The following CNTNAP2 variants were observed in gnomAD, a reference collection of about 807,000 sequenced individuals.
CNTNAP2 encodes contactin-associated protein-like 2.
Under a neutral mutation model 155.2 loss-of-function variants are expected in CNTNAP2, and 98 were observed. The observed-to-expected ratio is 0.63, with a 90% CI of 0.54 to 0.75. The LOEUF is 0.75. Ranked by LOEUF, CNTNAP2 falls within the 30% of genes least tolerant of loss-of-function variation. CNTNAP2 has a pLI of 0.00. For missense variants in CNTNAP2, 1,727 were observed against 1,688.1 expected, an observed-to-expected ratio of 1.02 and a Z score of -0.40; for synonymous variants, 651 against 631.2, an observed-to-expected ratio of 1.03 and a Z score of -0.47.
chr7:147,931,314 G>T (rs1382875164), intron 14 of CNTNAP2, among the ~76,000 whole-genome samples: 1 of 150,660 alleles, frequency 6.6e-6, no homozygotes, highest in Non-Finnish European at 1.5e-5. Context: ...ATAAAAAATG[G>T]AAAAGGAGAC....
intron 4 of CNTNAP2, among the ~76,000 whole-genome samples, chr7:147,080,655 A>G (rs968664582): frequency 1.4e-5 from 2 of 143,664 alleles, no homozygotes; most frequent in African/African-American, 5.4e-5. Flanking sequence ...TAACATATAT[A>G]ACATGTATAT....
At chr7:147,878,627 G>A (rs931805353) in intron 13 of CNTNAP2, among the ~76,000 whole-genome samples, 17 of 152,088 alleles carry the variant, frequency 1.1e-4, no homozygotes, top group East Asian at 3.9e-4. Flanking sequence ...TACTTGGCCC[G>A]TTATTGTTAC....
At chr7:148,138,968 A>G (rs547753377) in intron 16 of CNTNAP2, among the ~76,000 whole-genome samples, 1 of 152,330 alleles carries the variant, frequency 6.6e-6, no homozygotes, top group South Asian at 2.1e-4. Flanking sequence ...TTTGCATTTT[A>G]AAGACAGCTT....
intron 1 of CNTNAP2, among the ~76,000 whole-genome samples, chr7:146,767,311 A>T (rs2129184840): frequency 6.6e-6 from 1 of 152,326 alleles, no homozygotes; most frequent in South Asian, 2.1e-4. Context: ...AATACATAAA[A>T]TGAGGCTATA....
intron 8 of CNTNAP2, among the ~76,000 whole-genome samples, chr7:147,139,445 C>T (rs988959029): frequency 6.6e-6 from 1 of 152,006 alleles, no homozygotes; most frequent in Non-Finnish European, 1.5e-5. Flanking sequence ...GGATGATGTA[C>T]CTTCATAATC....
chr7:147,394,585 A>G (rs1048359187), intron 9 of CNTNAP2, among the ~76,000 whole-genome samples: 1 of 151,986 alleles, frequency 6.6e-6, no homozygotes, highest in Admixed American at 6.6e-5. Context: ...AGCTCTGGGG[A>G]CTTTCTGGAG....
chr7:146,856,409 T>G (rs1045476546), intron 3 of CNTNAP2, among the ~76,000 whole-genome samples: 2 of 152,076 alleles, frequency 1.3e-5, no homozygotes, highest in Non-Finnish European at 2.9e-5. Context: ...GAATACGAAC[T>G]TCTGACTAGG....
At chr7:147,014,586 T>G (rs1584783968) in intron 3 of CNTNAP2, among the ~76,000 whole-genome samples, 1 of 152,296 alleles carries the variant, frequency 6.6e-6, no homozygotes, top group Non-Finnish European at 1.5e-5. Flanking sequence ...ATATTTTCTC[T>G]TTGGTTTAAC....
At chr7:147,927,256 T>C (rs2116792253) in intron 14 of CNTNAP2, among the ~76,000 whole-genome samples, 1 of 152,328 alleles carries the variant, frequency 6.6e-6, no homozygotes, top group Middle Eastern at 3.4e-3. Flanking sequence ...CAGCCACACC[T>C]CTGCCTTATC....
At chr7:146,344,564 C>T (rs1285132596) in intron 1 of CNTNAP2, among the ~76,000 whole-genome samples, 4 of 84,578 alleles carry the variant, frequency 4.7e-5, no homozygotes, top group Admixed American at 3.5e-4. Flanking sequence ...ACTTCAACCT[C>T]TGCCCCCAAG....
At chr7:147,275,565 C>A (rs779442989) in intron 8 of CNTNAP2, among the ~76,000 whole-genome samples, 1 of 151,872 alleles carries the variant, frequency 6.6e-6, no homozygotes, top group Non-Finnish European at 1.5e-5. Context: ...TTTACCAAGG[C>A]TAGGGATCTT....
intron 13 of CNTNAP2, among the ~76,000 whole-genome samples, chr7:147,823,285 T>C (rs1798390428): frequency 6.6e-6 from 1 of 152,182 alleles, no homozygotes; most frequent in Non-Finnish European, 1.5e-5. Flanking sequence ...TAAAAGCTAT[T>C]AGTGCCAATG....
chr7:146,734,186 G>T (rs978789211), intron 1 of CNTNAP2, among the ~76,000 whole-genome samples: 10 of 152,048 alleles, frequency 6.6e-5, no homozygotes, highest in African/African-American at 2.2e-4. Context: ...AAATTCATAG[G>T]CTGGCAGCAG....
intron 9 of CNTNAP2, among the ~76,000 whole-genome samples, chr7:147,313,662 G>A (rs1795167687): frequency 6.6e-6 from 1 of 152,070 alleles, no homozygotes; most frequent in African/African-American, 2.4e-5. Context: ...TTTGGTTACT[G>A]TAGCCTTGTA....
chr7:147,245,391 C>A (rs2116646881), intron 8 of CNTNAP2, among the ~76,000 whole-genome samples: 1 of 152,142 alleles, frequency 6.6e-6, no homozygotes, highest in East Asian at 1.9e-4. Flanking sequence ...AGCAAATAAG[C>A]CCTGTGGCCC....
At chr7:148,399,438 A>G (rs1799538458) in intron 22 of CNTNAP2, among the ~76,000 whole-genome samples, 1 of 152,180 alleles carries the variant, frequency 6.6e-6, no homozygotes, top group Admixed American at 6.5e-5. Context: ...TTTAAAATGC[A>G]TCTGTTCTCT....
intron 13 of CNTNAP2, among the ~76,000 whole-genome samples, chr7:147,784,379 A>AAAATATATATATATATATAT (rs1797701531): frequency 1.3e-5 from 1 of 77,082 alleles, no homozygotes; most frequent in Non-Finnish European, 2.3e-5. Context: ...ACAAACTAAA[A>AAAATATATATATATATATAT]ACATATATAT....
At chr7:147,799,770 G>T (rs1797956336) in intron 13 of CNTNAP2, among the ~76,000 whole-genome samples, 2 of 152,246 alleles carry the variant, frequency 1.3e-5, no homozygotes, top group Non-Finnish European at 2.9e-5. Context: ...GTTCAAATAT[G>T]GTGTCTAGAG....
intron 1 of CNTNAP2, among the ~76,000 whole-genome samples, chr7:146,203,520 A>G (rs1798899671): frequency 6.6e-6 from 1 of 152,198 alleles, no homozygotes; most frequent in Non-Finnish European, 1.5e-5. Flanking sequence ...AGGACCCTCC[A>G]GAAGCCCCCA....
Sources: allele counts gnomAD v4.1 joint callset (sites outside exome capture counted in the v4.1 genomes callset), GRCh38; gene constraint gnomAD v4.1.1; transcripts MANE v1.5; gene names NCBI Gene and HGNC (gene_info 2026-07-23, HGNC 2026-07-21).